The following TMEM108 variants were observed in gnomAD, a reference collection of about 807,000 sequenced individuals.
TMEM108 encodes transmembrane protein 108.
TMEM108 carries 12 observed loss-of-function variants against 35.1 expected under a neutral mutation model. The ratio of observed to expected loss-of-function variants is 0.34; its 90% CI spans 0.22 to 0.55. The LOEUF (loss-of-function observed/expected upper bound fraction) is 0.55. Ranked by LOEUF, TMEM108 falls within the 20% of genes least tolerant of loss-of-function variation. TMEM108 has a pLI of 0.89. For missense variants in TMEM108, 680 were observed against 753.3 expected, an observed-to-expected ratio of 0.90 and a Z score of 1.14; for synonymous variants, 287 against 308.6, an observed-to-expected ratio of 0.93 and a Z score of 0.73.
intron 3 of TMEM108, among the ~76,000 whole-genome samples, chr3:133,349,916 C>T (rs1160315668): frequency 6.6e-6 from 1 of 152,076 alleles, no homozygotes; most frequent in Non-Finnish European, 1.5e-5. Flanking sequence ...ACATGATCCA[C>T]CAATCCCATT....
At position 133,358,796 on chromosome 3, in the gene TMEM108, C is replaced by T. The variant is rs138304889; in HGVS notation, c.41-20956C>T. ...TTCTTTTGCTTCTGTTCACTTCTCT[C>T]CTCCCTTCCCATCCCTCTTCTAAAC... On this transcript the variant is annotated intron_variant, in intron 3 of 5. Transcript: ENST00000321871. Among the ~76,000 whole-genome samples, 382 of 152,304 alleles carry T rather than the reference C, an allele frequency of 2.5e-3. 1 individual carries two copies. Among genetic ancestry groups the T allele is most frequent in the African/African-American group, 8.7e-3 (360 of 41,572 alleles).
chr3:133,046,603 T>G (rs1410009652), intron 2 of TMEM108, among the ~76,000 whole-genome samples: 1 of 152,236 alleles, frequency 6.6e-6, no homozygotes, highest in East Asian at 1.9e-4. Context: ...CCTCATCTAT[T>G]TGCAGCCCCT....
chr3:133,268,928 G>A (rs533050595), intron 3 of TMEM108, among the ~76,000 whole-genome samples: 22 of 152,334 alleles, frequency 1.4e-4, no homozygotes, highest in African/African-American at 3.1e-4. Context: ...TTAGATGTGG[G>A]AGCCAATTAA....
chr3:133,044,789 A>G (rs1013737025), intron 1 of TMEM108, among the ~76,000 whole-genome samples: 3 of 152,134 alleles, frequency 2.0e-5, no homozygotes, highest in African/African-American at 4.8e-5. Flanking sequence ...CTCCATCACT[A>G]TATACATTTA....
intron 3 of TMEM108, among the ~76,000 whole-genome samples, chr3:133,301,866 T>C (rs1292167724): frequency 6.6e-6 from 1 of 152,192 alleles, no homozygotes; most frequent in African/African-American, 2.4e-5. Flanking sequence ...ATTTCCTGTC[T>C]TGATTTGCAT....
chr3:133,275,632 T>C (rs1052295027), intron 3 of TMEM108, among the ~76,000 whole-genome samples: 5 of 152,348 alleles, frequency 3.3e-5, no homozygotes, highest in Admixed American at 1.3e-4. Flanking sequence ...GAATTTTTTA[T>C]GTTTTAAAAT....
chr3:133,219,190 G>C (rs925627452), intron 2 of TMEM108, among the ~76,000 whole-genome samples: 2 of 151,964 alleles, frequency 1.3e-5, no homozygotes, highest in Non-Finnish European at 2.9e-5. Context: ...ACAGTAGTCT[G>C]TTATGATCCT....
chr3:133,152,321 T>C (rs1944813974), intron 2 of TMEM108, among the ~76,000 whole-genome samples: 1 of 152,160 alleles, frequency 6.6e-6, no homozygotes, highest in African/African-American at 2.4e-5. Flanking sequence ...GCAATATCTG[T>C]TTCTTTGTTT....
intron 2 of TMEM108, among the ~76,000 whole-genome samples, chr3:133,103,820 C>G (rs1362209477): frequency 1.3e-5 from 2 of 152,112 alleles, no homozygotes. Context: ...TAGGCCATGC[C>G]TCTTAGGCAA....
chr3:133,164,640 G>A (rs753424224), intron 2 of TMEM108, among the ~76,000 whole-genome samples: 14 of 152,108 alleles, frequency 9.2e-5, no homozygotes, highest in African/African-American at 2.2e-4. Flanking sequence ...CAGACACTGC[G>A]CTTGGCACTG....
At chr3:133,215,100 A>G (rs1434178438) in intron 2 of TMEM108, among the ~76,000 whole-genome samples, 2 of 152,150 alleles carry the variant, frequency 1.3e-5, no homozygotes. Flanking sequence ...AGCCTCTCAC[A>G]AACTTTTATC....
rs1228625590 is a variant in TMEM108, at chr3:133,076,119, T to G, written c.-47+30099T>G. Among the ~76,000 whole-genome samples, 5 of 152,156 alleles carry G rather than the reference T, an allele frequency of 3.3e-5. No homozygotes were observed. The East Asian group carries it at 9.6e-4, about 29-fold the overall frequency. On this transcript the variant is annotated intron_variant, in intron 2 of 5. Coordinates refer to ENST00000321871, the MANE Select transcript of TMEM108 (RefSeq NM_023943.4). Reference sequence around the variant, plus strand: ...CAGGAGGAGGATTTAAGGGTCTAGATTTTTAAATACATGTACTTTTAATAA... The same window carrying G: ...CAGGAGGAGGATTTAAGGGTCTAGAGTTTTAAATACATGTACTTTTAATAA...
chr3:133,343,235 G>A (rs1050373127), intron 3 of TMEM108, among the ~76,000 whole-genome samples: 6 of 151,830 alleles, frequency 4.0e-5, no homozygotes, highest in African/African-American at 1.4e-4. Context: ...GTGAGAATGT[G>A]GAGCAACAGG....
intron 3 of TMEM108, among the ~76,000 whole-genome samples, chr3:133,301,011 C>T (rs1330089761): frequency 1.5e-5 from 1 of 67,146 alleles, no homozygotes; most frequent in Non-Finnish European, 3.8e-5. Context: ...CACACACACA[C>T]ACACACACAC....
rs190294382 is a variant in TMEM108, at chr3:133,258,012, G to A, written c.40+28661G>A. On this transcript the variant is annotated intron_variant, in intron 3 of 5. Coordinates refer to ENST00000321871, the MANE Select transcript of TMEM108 (RefSeq NM_023943.4). Reference sequence around the variant, plus strand: ...GTGAAAATACCATTTATAACCTGCTGTAGACTGTATGTTTATGATCCCCCC... The same window carrying A: ...GTGAAAATACCATTTATAACCTGCTATAGACTGTATGTTTATGATCCCCCC... Among the ~76,000 whole-genome samples the A allele has an allele frequency of 3.3e-5, 5 of 152,250 alleles. No individual in the cohort carries two copies. In the East Asian group the frequency reaches 9.7e-4, roughly 29 times the overall value.
At chr3:133,312,946 C>A (rs2071152623) in intron 3 of TMEM108, among the ~76,000 whole-genome samples, 1 of 152,128 alleles carries the variant, frequency 6.6e-6, no homozygotes, top group Non-Finnish European at 1.5e-5. Flanking sequence ...TTTACTATAT[C>A]TTTACTATAT....
At position 133,396,039 on chromosome 3, in the gene TMEM108, T is replaced by G; in HGVS notation, c.*53T>G. ...GTATTTTTCGTCTCTAAATTATAAA[T>G]ATACAAATACATATATTATAAATAT... On this transcript the variant is annotated 3_prime_UTR_variant, in exon 6 of 6. Coordinates refer to ENST00000321871, the MANE Select transcript of TMEM108 (RefSeq NM_023943.4). The G allele has an allele frequency of 1.6e-6, 2 of 1,231,532 alleles. No homozygotes were observed. Among genetic ancestry groups the G allele is most frequent in the Middle Eastern group, 3.0e-4 (1 of 3,340 alleles). 76.3% of individuals were successfully genotyped at this position (1,231,532 alleles called of 1,614,324 possible). A position where few individuals can be genotyped will look rare whatever the true frequency, so the allele number is the denominator to read the frequency against.
At chr3:133,290,751 A>T (rs973676417) in intron 3 of TMEM108, among the ~76,000 whole-genome samples, 1 of 152,242 alleles carries the variant, frequency 6.6e-6, no homozygotes, top group Non-Finnish European at 1.5e-5. Flanking sequence ...ATGAAAAAGC[A>T]AAAGAAAATG....
chr3:133,302,565 G>A (rs1348458722), intron 3 of TMEM108, among the ~76,000 whole-genome samples: 1 of 151,510 alleles, frequency 6.6e-6, no homozygotes, highest in Non-Finnish European at 1.5e-5. Flanking sequence ...GGGACTACAG[G>A]CACCCGCCAC....
Sources: gnomAD v4.1 joint callset for allele counts (sites outside exome capture counted in the v4.1 genomes callset) on GRCh38, gnomAD v4.1.1 for gene constraint, MANE v1.5 for transcripts, NCBI Gene and HGNC (gene_info 2026-07-23, HGNC 2026-07-21) for gene names.